CTTNBP2: variants seen among roughly 807,000 people sequenced by gnomAD.
CTTNBP2 encodes cortactin binding protein 2.
In CTTNBP2, 108 loss-of-function variants were observed where a neutral mutation model predicts 156.9. The observed-to-expected ratio is 0.69, with a 90% confidence interval of 0.59 to 0.81. The LOEUF is 0.81. CTTNBP2 is among the 30% of genes least tolerant of loss of function. The pLI is 0.00. For synonymous variants in CTTNBP2, 767 were observed against 751.8 expected, an observed-to-expected ratio of 1.02 and a Z score of -0.33; for missense variants, 1,924 against 2,035.4, an observed-to-expected ratio of 0.95 and a Z score of 1.05.
intron 2 of CTTNBP2, among the ~76,000 whole-genome samples, chr7:117,836,605 CTGAT>C (rs1197672965): frequency 2.0e-5 from 3 of 152,130 alleles, no homozygotes. Flanking sequence ...TTTAAGAATA[CTGAT>C]TGAGAGGGTT....
At chr7:117,831,616 T>C (rs775509823) in intron 2 of CTTNBP2, among the ~76,000 whole-genome samples, 1 of 152,146 alleles carries the variant, frequency 6.6e-6, no homozygotes, top group East Asian at 1.9e-4. Context: ...CTGTATACAT[T>C]TGAGGTCTCC....
At chr7:117,863,844 A>G (rs1584579284) in intron 1 of CTTNBP2, among the ~76,000 whole-genome samples, 1 of 152,096 alleles carries the variant, frequency 6.6e-6, no homozygotes, top group Admixed American at 6.5e-5. Context: ...AGTCCAATAA[A>G]CTCAGTTTAT....
intron 14 of CTTNBP2, among the ~76,000 whole-genome samples, chr7:117,743,761 CAAAAAAAA>C (rs556372208): frequency 1.6e-3 from 31 of 19,630 alleles, no homozygotes; most frequent in African/African-American, 4.3e-3. Flanking sequence ...GACTCTGTCT[CAAAAAAAA>C]AAAAAAAAAA....
chr7:117,816,625 A>C (rs1800591094), intron 2 of CTTNBP2, among the ~76,000 whole-genome samples: 1 of 152,176 alleles, frequency 6.6e-6, no homozygotes, highest in African/African-American at 2.4e-5. Context: ...TGTCCAAGCC[A>C]CTTGAAATCT....
At chr7:117,771,962 AG>A (rs1488581628) in intron 8 of CTTNBP2, among the ~76,000 whole-genome samples, 1 of 152,172 alleles carries the variant, frequency 6.6e-6, no homozygotes, top group Non-Finnish European at 1.5e-5. Flanking sequence ...GAGAGAGCAC[AG>A]GATGTTTGCA....
intron 16 of CTTNBP2, among the ~76,000 whole-genome samples, chr7:117,733,237 T>C (rs1264803403): frequency 1.3e-5 from 2 of 152,210 alleles, no homozygotes; most frequent in Non-Finnish European, 2.9e-5. Context: ...GCTGTTTTAT[T>C]AACCTACTTG....
At chr7:117,737,337 T>C (rs1395942899) in intron 14 of CTTNBP2, among the ~76,000 whole-genome samples, 1 of 152,234 alleles carries the variant, frequency 6.6e-6, no homozygotes. Context: ...TGATGGTTTA[T>C]GTATCTGGTT....
chr7:117,863,226 C>A (rs1054176144), intron 1 of CTTNBP2, among the ~76,000 whole-genome samples: 2 of 152,184 alleles, frequency 1.3e-5, no homozygotes, highest in Non-Finnish European at 2.9e-5. Context: ...AAAATTATTT[C>A]TTTTTGCATA....
At chr7:117,767,954 C>T (rs183693141) in intron 8 of CTTNBP2, among the ~76,000 whole-genome samples, 5 of 152,242 alleles carry the variant, frequency 3.3e-5, no homozygotes, top group Admixed American at 3.3e-4. Flanking sequence ...AAGGAACTCT[C>T]CTGTATCAAT....
rs1446891686 is a variant in CTTNBP2 at position 117,784,362 on chromosome 7, C to T, written c.2161G>A (p.Gly721Arg). 3 of 1,613,702 alleles carry T rather than the reference C, an allele frequency of 1.9e-6. No individual in the cohort carries two copies. Among genetic ancestry groups the T allele is most frequent in the African/African-American group, 1.3e-5 (1 of 74,904 alleles). Residue 721 changes from glycine to arginine, a missense_variant, in exon 5 of 23, where the codon GGA becomes AGA. Transcript: ENST00000160373. ...PTLLQQAAAQ[G>R]NVTLLSMLLN... The stretch of plus-strand genomic sequence containing the variant: ...AGCATTGATAATAAAGTGACATTTC[C>T]CTGGGCAGCAGCTTGCTGAAGAAGG...
chr7:117,848,953 T>C (rs1802767907), intron 2 of CTTNBP2, among the ~76,000 whole-genome samples: 1 of 152,200 alleles, frequency 6.6e-6, no homozygotes, highest in Admixed American at 6.5e-5. Context: ...ATAATTCATG[T>C]TTTATTTTAA....
chr7:117,720,982 G>A, intron 20 of CTTNBP2, 85 bp downstream of exon 20: 1 of 856,028 alleles, frequency 1.2e-6, no homozygotes, highest in Non-Finnish European at 2.0e-6. Flanking sequence ...TCATTCAAAT[G>A]AGAACATGGA....
chr7:117,748,421 C>A (rs1361907434), intron 12 of CTTNBP2, among the ~76,000 whole-genome samples: 1 of 152,050 alleles, frequency 6.6e-6, no homozygotes, highest in Non-Finnish European at 1.5e-5. Context: ...TCTTCTAGTT[C>A]TCTTTAACTA....
At chr7:117,774,496 T>C (rs1285644770) in intron 8 of CTTNBP2, among the ~76,000 whole-genome samples, 1 of 152,092 alleles carries the variant, frequency 6.6e-6, no homozygotes, top group Admixed American at 6.5e-5. Context: ...CTGCCTCCTG[T>C]CAGATCAATG....
At chr7:117,861,939 T>A (rs751064535) in intron 1 of CTTNBP2, among the ~76,000 whole-genome samples, 1 of 151,960 alleles carries the variant, frequency 6.6e-6, no homozygotes, top group Admixed American at 6.6e-5. Flanking sequence ...AAATGTCAGA[T>A]GACTGGGTAA....
chr7:117,748,035 AGGCTTAC>A (rs143174614), intron 12 of CTTNBP2, among the ~76,000 whole-genome samples: 6,528 of 152,110 alleles, frequency 0.043, 444 homozygotes, highest in African/African-American at 0.15. Context: ...CTTCAATAAA[AGGCTTAC>A]GGTGGAGGTG....
chr7:117,722,870 C>A (rs541731790), intron 19 of CTTNBP2, among the ~76,000 whole-genome samples: 10 of 152,240 alleles, frequency 6.6e-5, no homozygotes, highest in African/African-American at 2.2e-4. Flanking sequence ...ATTACAGAAC[C>A]GCATATTTCC....
intron 1 of CTTNBP2, 126 bp from the exon 2 acceptor site, chr7:117,861,442 T>C: frequency 1.5e-6 from 1 of 647,908 alleles, no homozygotes; most frequent in Non-Finnish European, 2.7e-6. Flanking sequence ...ACCGGGGTAC[T>C]ATTTGCAGCA....
chr7:117,765,116 A>T (rs1797415812), intron 9 of CTTNBP2, among the ~76,000 whole-genome samples: 1 of 152,090 alleles, frequency 6.6e-6, no homozygotes, highest in Non-Finnish European at 1.5e-5. Context: ...TGTATTCTTT[A>T]GTAGAGACGG....
Sources: allele counts gnomAD v4.1 joint callset (sites outside exome capture counted in the v4.1 genomes callset), GRCh38; gene constraint gnomAD v4.1.1; transcripts MANE v1.5; gene names NCBI Gene and HGNC (gene_info 2026-07-23, HGNC 2026-07-21).